The following LARGE1 variants were observed in gnomAD, a reference collection of about 807,000 sequenced individuals.
LARGE1 encodes LARGE xylosyl- and glucuronyltransferase 1, also known as xylosyl- and glucuronyltransferase LARGE1.
Under a neutral mutation model 87.6 loss-of-function variants are expected in LARGE1, and 43 were observed. The observed-to-expected ratio is 0.49, with a 90% CI of 0.38 to 0.63. The LOEUF is 0.63. LARGE1 is among the 30% of genes least tolerant of loss of function. LARGE1 has a pLI of 0.00. For missense variants in LARGE1, 802 were observed against 1,000.2 expected (o/e 0.80, Z 2.67); for synonymous variants, 434 against 394.6 (o/e 1.10, Z -1.18).
chr22:33,579,976 G>C (rs1386194411), intron 5 of LARGE1, among the ~76,000 whole-genome samples: 1 of 152,164 alleles, frequency 6.6e-6, no homozygotes. Context: ...AAGCGTCCTT[G>C]ATCTGGAAGC....
chr22:33,704,110 T>C (rs531114543), intron 2 of LARGE1, among the ~76,000 whole-genome samples: 2 of 152,372 alleles, frequency 1.3e-5, no homozygotes, highest in East Asian at 3.9e-4. Context: ...AATGACCACA[T>C]GTCTAATTAT....
At chr22:33,796,767 CTTTT>C (rs35532520) in intron 1 of LARGE1, among the ~76,000 whole-genome samples, 3 of 106,094 alleles carry the variant, frequency 2.8e-5, no homozygotes, top group African/African-American at 7.5e-5. Context: ...AAGACTTGGG[CTTTT>C]TTTTTTTTTT....
chr22:33,919,102 G>GAGA (rs1406701052), intron 1 of LARGE1, among the ~76,000 whole-genome samples: 4 of 127,378 alleles, frequency 3.1e-5, no homozygotes, highest in Non-Finnish European at 4.9e-5. Context: ...GCACAGAGAC[G>GAGA]AAAAAAAAAA....
chr22:33,437,297 C>G (rs1013892655), intron 6 of LARGE1, among the ~76,000 whole-genome samples: 3 of 152,168 alleles, frequency 2.0e-5, no homozygotes, highest in Non-Finnish European at 2.9e-5. Context: ...CAATGCCATA[C>G]TTCCTGAGTA....
intron 2 of LARGE1, among the ~76,000 whole-genome samples, chr22:33,758,732 CAG>C (rs748584553): frequency 2.0e-5 from 3 of 152,210 alleles, no homozygotes; most frequent in South Asian, 4.1e-4. Context: ...ACCATAAACA[CAG>C]ACAGTTATGA....
intron 7 of LARGE1, among the ~76,000 whole-genome samples, chr22:33,396,276 T>G (rs1012329240): frequency 1.3e-5 from 2 of 152,232 alleles, no homozygotes; most frequent in Non-Finnish European, 2.9e-5. Flanking sequence ...TCTCTTCTTA[T>G]TCATAATCCA....
chr22:33,393,077 G>A (rs962659117), intron 7 of LARGE1, among the ~76,000 whole-genome samples: 2 of 152,168 alleles, frequency 1.3e-5, no homozygotes, highest in African/African-American at 4.8e-5. Context: ...TCCACTGTAT[G>A]GAAAATTATG....
At chr22:33,885,365 G>A (rs971016838) in intron 1 of LARGE1, among the ~76,000 whole-genome samples, 3 of 152,214 alleles carry the variant, frequency 2.0e-5, no homozygotes, top group Non-Finnish European at 4.4e-5. Flanking sequence ...CCCAGGAGTA[G>A]AATTGGGGTA....
chr22:33,844,674 T>C (rs2063378859), intron 1 of LARGE1, among the ~76,000 whole-genome samples: 1 of 151,908 alleles, frequency 6.6e-6, no homozygotes, highest in Non-Finnish European at 1.5e-5. Context: ...ACCTCCCCTC[T>C]GTGTGCTTTG....
intron 2 of LARGE1, among the ~76,000 whole-genome samples, chr22:33,751,664 G>A (rs1050189035): frequency 2.5e-4 from 38 of 151,966 alleles, no homozygotes; most frequent in Middle Eastern, 3.2e-3. Context: ...GGTATAATTG[G>A]AATCCTATAG....
chr22:33,288,580 T>A (rs1214809902), intron 12 of LARGE1, among the ~76,000 whole-genome samples: 1 of 152,246 alleles, frequency 6.6e-6, no homozygotes, highest in Non-Finnish European at 1.5e-5. Context: ...TGGTAAGACA[T>A]GCTGCTTACT....
intron 2 of LARGE1, among the ~76,000 whole-genome samples, chr22:33,718,905 C>T (rs180743434): frequency 7.2e-5 from 11 of 152,318 alleles, no homozygotes; most frequent in Non-Finnish European, 1.6e-4. Context: ...ATTCTCCTGC[C>T]TCAGCCTCCC....
chr22:33,526,107 A>T (rs2071880859), intron 6 of LARGE1, among the ~76,000 whole-genome samples: 1 of 152,230 alleles, frequency 6.6e-6, no homozygotes, highest in Admixed American at 6.5e-5. Flanking sequence ...GGCCATAAAA[A>T]ATGTGCTACA....
chr22:33,498,995 C>CAT (rs2070300806), intron 6 of LARGE1, among the ~76,000 whole-genome samples: 1 of 151,866 alleles, frequency 6.6e-6, no homozygotes, highest in Non-Finnish European at 1.5e-5. Context: ...CATAAATAAA[C>CAT]AAAAAATTTA....
chr22:33,777,660 G>A (rs1163630609), intron 1 of LARGE1, among the ~76,000 whole-genome samples: 3 of 109,980 alleles, frequency 2.7e-5, no homozygotes, highest in African/African-American at 4.8e-5. Flanking sequence ...GGGGGAGGGG[G>A]AGGGGAAGGG....
At chr22:33,494,206 C>A (rs1347968330) in intron 6 of LARGE1, among the ~76,000 whole-genome samples, 2 of 152,264 alleles carry the variant, frequency 1.3e-5, no homozygotes, top group East Asian at 3.9e-4. Flanking sequence ...GCCAAAAAGC[C>A]CTGGCTGTGG....
chr22:33,239,981 A>G lies in LARGE1; in HGVS notation c.1730+64248T>C, dbSNP rs180703637. Among the ~76,000 whole-genome samples, 746 of 152,336 alleles carry G rather than the reference A, an allele frequency of 4.9e-3. 11 individuals are homozygous for G. Among genetic ancestry groups the G allele is most frequent in the African/African-American group, 0.016 (683 of 41,570 alleles). On this transcript the variant is annotated intron_variant, in intron 11 of 11. Transcript: ENST00000608642. ...TATATATTTGCAAGTCTTCTTGTGA[A>G]CATATGTTTTCAGTTCTAGGGAGCC... is the stretch of plus-strand genomic sequence containing the variant.
chr22:33,774,232 T>A (rs2085160682), intron 1 of LARGE1, among the ~76,000 whole-genome samples: 1 of 142,270 alleles, frequency 7.0e-6, no homozygotes, highest in African/African-American at 2.5e-5. Flanking sequence ...AATGATTCTC[T>A]CATGAAGAAT....
intron 1 of LARGE1, among the ~76,000 whole-genome samples, chr22:33,912,265 A>G (rs750952970): frequency 1.1e-4 from 17 of 152,310 alleles, no homozygotes; most frequent in Middle Eastern, 3.4e-3. Context: ...ACCTTACTCA[A>G]TAATAACAAA....
Sources: allele counts gnomAD v4.1 joint callset (sites outside exome capture counted in the v4.1 genomes callset), GRCh38; gene constraint gnomAD v4.1.1; transcripts MANE v1.5; gene names NCBI Gene and HGNC (gene_info 2026-07-23, HGNC 2026-07-21).